The following LRRC4C variants were observed in gnomAD, a reference collection of about 807,000 sequenced individuals.
LRRC4C encodes leucine rich repeat containing 4C.
A neutral mutation model predicts 33.6 loss-of-function variants in LRRC4C; 5 were observed. The ratio of observed to expected loss-of-function variants is 0.15; its 90% CI spans 0.08 to 0.31. The LOEUF is 0.31. Ranked by LOEUF, LRRC4C falls within the 10% of genes least tolerant of loss-of-function variation. The probability of loss-of-function intolerance (pLI) is 1.00; values close to 1 mark genes in which losing one functional copy is unlikely to be tolerated. For missense variants in LRRC4C, 560 were observed against 796.7 expected, an observed-to-expected ratio of 0.70 and a Z score of 3.58; for synonymous variants, 329 against 302.0, an observed-to-expected ratio of 1.09 and a Z score of -0.93.
At chr11:41,354,935 T>A (rs1952106395) in intron 1 of LRRC4C, among the ~76,000 whole-genome samples, 1 of 152,110 alleles carries the variant, frequency 6.6e-6, no homozygotes, top group South Asian at 2.1e-4. Flanking sequence ...GACATAGGCC[T>A]TGGGAAAGAT....
chr11:40,508,696 GA>G (rs1690192521), intron 3 of LRRC4C, among the ~76,000 whole-genome samples: 1 of 152,072 alleles, frequency 6.6e-6, no homozygotes, highest in Non-Finnish European at 1.5e-5. Context: ...CTTTTAGAAT[GA>G]ATTGTTATGC....
chr11:40,172,505 C>CT (rs960733075), intron 5 of LRRC4C, among the ~76,000 whole-genome samples: 16 of 149,320 alleles, frequency 1.1e-4, no homozygotes, highest in East Asian at 5.9e-4. Flanking sequence ...AATCCAAATT[C>CT]TTTTTTTTTT....
intron 1 of LRRC4C, among the ~76,000 whole-genome samples, chr11:41,201,019 T>G (rs1946380170): frequency 6.6e-6 from 1 of 152,202 alleles, no homozygotes; most frequent in Admixed American, 6.5e-5. Flanking sequence ...TTTCTCAATT[T>G]GCATGTTAAT....
intron 1 of LRRC4C, among the ~76,000 whole-genome samples, chr11:41,456,966 A>G (rs1564965212): frequency 6.6e-6 from 1 of 152,236 alleles, no homozygotes; most frequent in Non-Finnish European, 1.5e-5. Context: ...AGCTGTAATC[A>G]GAAAATCCTG....
chr11:40,680,052 T>C (rs1477047355), intron 2 of LRRC4C, among the ~76,000 whole-genome samples: 1 of 152,166 alleles, frequency 6.6e-6, no homozygotes, highest in Non-Finnish European at 1.5e-5. Context: ...GGAACCCACC[T>C]CTTGTATCAG....
chr11:40,700,027 C>T (rs940842361), intron 2 of LRRC4C, among the ~76,000 whole-genome samples: 1 of 152,032 alleles, frequency 6.6e-6, no homozygotes, highest in Non-Finnish European at 1.5e-5. Flanking sequence ...CTATTGGGTG[C>T]CCTCTATGTC....
intron 1 of LRRC4C, among the ~76,000 whole-genome samples, chr11:41,112,767 C>T (rs965603088): frequency 6.6e-6 from 1 of 151,984 alleles, no homozygotes; most frequent in Non-Finnish European, 1.5e-5. Flanking sequence ...TTTTTCAAAT[C>T]TGAGTAAAAA....
At chr11:40,610,177 T>C (rs1961059678) in intron 3 of LRRC4C, among the ~76,000 whole-genome samples, 1 of 151,852 alleles carries the variant, frequency 6.6e-6, no homozygotes. Flanking sequence ...AAATGATCAC[T>C]CACCCTGACC....
intron 2 of LRRC4C, among the ~76,000 whole-genome samples, chr11:40,747,459 A>G (rs1440276510): frequency 6.6e-6 from 1 of 152,188 alleles, no homozygotes. Context: ...CTATTACACC[A>G]GATGTATATA....
At chr11:40,121,655 C>T (rs1855836401) in intron 6 of LRRC4C, among the ~76,000 whole-genome samples, 1 of 152,188 alleles carries the variant, frequency 6.6e-6, no homozygotes, top group Non-Finnish European at 1.5e-5. Context: ...AACAGACTTT[C>T]TTCCTTTACT....
intron 4 of LRRC4C, among the ~76,000 whole-genome samples, chr11:40,249,682 AG>A (rs1866623329): frequency 6.6e-6 from 1 of 151,886 alleles, no homozygotes; most frequent in East Asian, 1.9e-4. Context: ...ACTGGATAAA[AG>A]TTTTCTGATA....
intron 1 of LRRC4C, among the ~76,000 whole-genome samples, chr11:41,270,307 A>C (rs1949280396): frequency 6.6e-6 from 1 of 152,194 alleles, no homozygotes; most frequent in Non-Finnish European, 1.5e-5. Context: ...GGTAACTACA[A>C]TAATTTATTT....
At chr11:41,399,300 A>T (rs1953938324) in intron 1 of LRRC4C, among the ~76,000 whole-genome samples, 2 of 151,944 alleles carry the variant, frequency 1.3e-5, no homozygotes, top group African/African-American at 2.4e-5. Flanking sequence ...AACACAGCAG[A>T]GGGGTGAAAA....
chr11:40,682,746 CAATAAATA>C (rs10523318), intron 2 of LRRC4C, among the ~76,000 whole-genome samples: 11,260 of 141,612 alleles, frequency 0.08, 1,465 homozygotes, highest in African/African-American at 0.27. Flanking sequence ...GACTCTGTCT[CAATAAATA>C]AATAAATAAA....
intron 3 of LRRC4C, among the ~76,000 whole-genome samples, chr11:40,635,638 T>TTC (rs1963884533): frequency 7.2e-6 from 1 of 138,332 alleles, no homozygotes; most frequent in African/African-American, 2.8e-5. Context: ...ATTTTTTTTT[T>TTC]TTTTTTTTTT....
Position 40,749,737 on chromosome 11 carries a change from C to T in LRRC4C, c.-406-101459G>A, listed in dbSNP as rs1396803969. Among the ~76,000 whole-genome samples, 3 of 150,318 alleles carry T rather than the reference C, an allele frequency of 2.0e-5. No individual in the cohort carries two copies. The East Asian group carries it at 5.8e-4, about 29-fold the overall frequency. On this transcript the variant is annotated intron_variant, in intron 2 of 6. Transcript: ENST00000528697. ...GTAATAAATCACTAGCTAAAGTAAC[C>T]ACAAAGAGAGAAGACCCAAATAAAC...
chr11:40,848,927 G>C (rs987265322), intron 2 of LRRC4C, among the ~76,000 whole-genome samples: 16 of 151,890 alleles, frequency 1.1e-4, no homozygotes, highest in Non-Finnish European at 2.4e-4. Context: ...TTTGATCTTT[G>C]TTGGTTTAAA....
chr11:41,122,029 A>G (rs1471970786), intron 1 of LRRC4C, among the ~76,000 whole-genome samples: 3 of 152,178 alleles, frequency 2.0e-5, no homozygotes, highest in Non-Finnish European at 4.4e-5. Context: ...AATAACGTCA[A>G]ATTTGTGGTA....
At position 40,114,760 on chromosome 11, in the gene LRRC4C, A is replaced by G. The variant is rs370375870; in HGVS notation, c.1533T>C (p.Asp511=). 5.0e-6 allele frequency: 8 copies of G among 1,614,000 alleles called. No homozygotes were observed. In the African/African-American group the frequency reaches 8.0e-5, roughly 16 times the overall value. ...CAATTCCTGGGATCCCACTGTTTAT[A>G]TCAGTCACTGGGATGGTGAAGGTTT... ...TEKTFTIPVT[D]INSGIPGIDE... is the part of the protein sequence containing the mutation. The change falls in exon 7 of 7, where the codon GAT becomes GAC. Residue 511 remains aspartate, a synonymous_variant. Transcript: ENST00000528697.
Sources: allele counts gnomAD v4.1 joint callset (sites outside exome capture counted in the v4.1 genomes callset), GRCh38; gene constraint gnomAD v4.1.1; transcripts MANE v1.5; gene names NCBI Gene and HGNC (gene_info 2026-07-23, HGNC 2026-07-21).